KATNA1: variants seen among roughly 807,000 people sequenced by gnomAD.
The protein encoded by KATNA1 is katanin p60 ATPase-containing subunit A1.
In KATNA1, 42 loss-of-function variants were observed where a neutral mutation model predicts 62.6. The ratio of observed to expected loss-of-function variants is 0.67; its 90% CI spans 0.52 to 0.87. The LOEUF is 0.87. Ranked by LOEUF, KATNA1 falls within the 40% of genes least tolerant of loss-of-function variation. KATNA1 has a pLI of 0.00. For synonymous variants in KATNA1, 186 were observed against 201.9 expected, an observed-to-expected ratio of 0.92 and a Z score of 0.67; for missense variants, 498 against 612.5, an observed-to-expected ratio of 0.81 and a Z score of 1.97.
intron 1 of KATNA1, among the ~76,000 whole-genome samples, chr6:149,638,781 G>T (rs966206107): frequency 1.6e-5 from 2 of 122,072 alleles, no homozygotes; most frequent in Non-Finnish European, 3.2e-5. Context: ...CTGTGGCCCC[G>T]GCTGGAGCGC....
At chr6:149,636,861 C>T (rs1310687961) in intron 2 of KATNA1, among the ~76,000 whole-genome samples, 3 of 151,756 alleles carry the variant, frequency 2.0e-5, no homozygotes, top group Admixed American at 6.6e-5. Flanking sequence ...AGGCTGGTCT[C>T]GAACTCCTGA....
At position 149,643,689 on chromosome 6, in the gene KATNA1, T is replaced by C. The variant is rs758868639; in HGVS notation, c.-14+4780A>G. 6.1e-3 allele frequency among the ~76,000 whole-genome samples: 858 copies of C among 140,724 alleles called. 10 individuals carry two copies. The highest frequency in any genetic ancestry group is 5.9e-3 in the Non-Finnish European group (379 of 64,440). 92.3% of individuals were successfully genotyped at this position (140,724 alleles called of 152,430 possible). A position where few individuals can be genotyped will look rare whatever the true frequency, so the allele number is the denominator to read the frequency against. On this transcript the variant is annotated intron_variant, in intron 1 of 10. Coordinates refer to ENST00000367411, the MANE Select transcript of KATNA1 (RefSeq NM_007044.4). The stretch of plus-strand genomic sequence containing the variant: ...ACTGAATACTGCCTAGTTGTTGTCC[T>C]TTTTTTTTTTTTTGAGACAGGGTCT...
intron 8 of KATNA1, 99 bp downstream of exon 8, chr6:149,598,125 C>T: frequency 7.5e-7 from 1 of 1,331,914 alleles, no homozygotes; most frequent in Middle Eastern, 2.0e-4. Flanking sequence ...CTATTAAAAG[C>T]TTGGGTTAGC....
At chr6:149,615,132 C>CAAAAAAAAAAA (rs893824279) in intron 4 of KATNA1, among the ~76,000 whole-genome samples, 1 of 45,646 alleles carries the variant, frequency 2.2e-5, no homozygotes. Context: ...GACTCTGTCT[C>CAAAAAAAAAAA]AAAAAAAAAA....
chr6:149,639,366 TGAG>T (rs1562302808), intron 1 of KATNA1, among the ~76,000 whole-genome samples: 1 of 151,176 alleles, frequency 6.6e-6, no homozygotes, highest in African/African-American at 2.4e-5. Context: ...TTTGGGAGGC[TGAG>T]GTGGGTGGAT....
chr6:149,601,454 T>A, intron 7 of KATNA1, 140 bp downstream of exon 7: 1 of 523,512 alleles, frequency 1.9e-6, no homozygotes. Context: ...TGTAAAGAAA[T>A]CTAGCTTTAA....
intron 5 of KATNA1, 59 bp downstream of exon 5, chr6:149,604,602 C>T (rs1043896767): frequency 4.4e-6 from 7 of 1,585,814 alleles, no homozygotes; most frequent in Middle Eastern, 3.3e-4. Flanking sequence ...ACATTTGCTC[C>T]ATTTTCCATT....
chr6:149,616,076 G>GT (rs1779157251), intron 4 of KATNA1, among the ~76,000 whole-genome samples: 2 of 152,148 alleles, frequency 1.3e-5, no homozygotes, highest in African/African-American at 2.4e-5. Context: ...AGGGTGAATG[G>GT]TGAGTTATTG....
At chr6:149,616,334 C>T (rs1779165217) in intron 4 of KATNA1, among the ~76,000 whole-genome samples, 1 of 152,146 alleles carries the variant, frequency 6.6e-6, no homozygotes, top group Non-Finnish European at 1.5e-5. Context: ...CTACTTCACA[C>T]CCAATTACAT....
intron 8 of KATNA1, 100 bp downstream of exon 8, chr6:149,598,124 G>T: frequency 7.6e-7 from 1 of 1,312,492 alleles, no homozygotes; most frequent in Non-Finnish European, 1.1e-6. Context: ...CCTATTAAAA[G>T]CTTGGGTTAG....
Position 149,619,438 on chromosome 6 carries a change from C to A in KATNA1, c.501+3665G>T, listed in dbSNP as rs146074195. 1.8e-3 allele frequency among the ~76,000 whole-genome samples: 269 copies of A among 152,140 alleles called. 1 individual carries two copies. The highest frequency in any genetic ancestry group is 6.1e-3 in the African/African-American group (254 of 41,514). ...GACCAGACTGGGCAACATGGTGAAA[C>A]CCCGTCTCTACTAAAATACAAAAAA... is the stretch of plus-strand genomic sequence containing the variant. On this transcript the variant is annotated intron_variant, in intron 4 of 10. Transcript: ENST00000367411.
At chr6:149,623,631 G>A (rs535369393) in intron 3 of KATNA1, among the ~76,000 whole-genome samples, 160 of 152,174 alleles carry the variant, frequency 1.1e-3, no homozygotes, top group African/African-American at 3.0e-3. Context: ...CCAGCCACTC[G>A]GGAGGCTGAA....
intron 5 of KATNA1, 100 bp downstream of exon 5, chr6:149,604,561 G>A (rs1410415152): frequency 3.2e-6 from 4 of 1,266,008 alleles, no homozygotes; most frequent in Non-Finnish European, 4.6e-6. Context: ...CTCCGGTTCT[G>A]TCCTCAAGCT....
At position 149,623,213 on chromosome 6, in the gene KATNA1, T is replaced by G; in HGVS notation, c.391A>C (p.Ser131Arg). The G allele has an allele frequency of 6.2e-7, 1 of 1,613,840 alleles. No homozygotes were observed. The highest frequency in any genetic ancestry group is 2.2e-5 in the East Asian group (1 of 44,876). The change falls in exon 4 of 11, where the codon AGT (serine) becomes CGT (arginine). Residue 131 changes from serine (S) to arginine (R), a missense_variant. Ser to Arg is a moderately radical substitution (Grantham distance 110, BLOSUM62 -1). Around this residue, in one of 3 missense-constraint regions of KATNA1, gnomAD observed 203 missense variants for 198.4 expected, o/e 1.02. Coordinates refer to ENST00000367411, the MANE Select transcript of KATNA1 (RefSeq NM_007044.4). The part of the protein sequence containing the change: ...SDPKSHGNRP[S>R]TTVRVHRSSA... ...GAACGGTGAACTCTGACAGTTGTACTTGGACGATTACCATGTGATTTAGGG... is the reference window on the plus strand; with the variant it reads ...GAACGGTGAACTCTGACAGTTGTACGTGGACGATTACCATGTGATTTAGGG...
chr6:149,623,303 T>C lies in KATNA1; in HGVS notation c.321-20A>G, dbSNP rs1162504945. On this transcript the variant is annotated intron_variant, in intron 3 of 10. Transcript: ENST00000367411. ...GAGGGTCTAATCAAACAAAAACTCA[T>C]TAATATCATAATCAACTCCACATAT... 6.4e-6 allele frequency: 10 copies of C among 1,556,278 alleles called. No individual in the cohort carries two copies. In the East Asian group the frequency reaches 6.8e-5, roughly 11 times the overall value.
intron 7 of KATNA1, among the ~76,000 whole-genome samples, chr6:149,601,085 A>G (rs530132974): frequency 2.0e-5 from 3 of 152,338 alleles, no homozygotes; most frequent in African/African-American, 7.2e-5. Context: ...AATTCAATCT[A>G]AACACTCTAC....
chr6:149,598,080 G>T, intron 8 of KATNA1, 144 bp downstream of exon 8: 2 of 838,452 alleles, frequency 2.4e-6, no homozygotes, highest in Non-Finnish European at 1.8e-6. Flanking sequence ...GGAACTTCTT[G>T]CCACCCCCTC....
chr6:149,639,864 A>G (rs1350686886), intron 1 of KATNA1, among the ~76,000 whole-genome samples: 1 of 152,208 alleles, frequency 6.6e-6, no homozygotes, highest in Non-Finnish European at 1.5e-5. Flanking sequence ...TGACAGTAGG[A>G]TTTGCATCTG....
intron 4 of KATNA1, among the ~76,000 whole-genome samples, chr6:149,615,059 G>C (rs1779110477): frequency 6.7e-6 from 1 of 150,160 alleles, no homozygotes; most frequent in Non-Finnish European, 1.5e-5. Context: ...CTTGAACCTG[G>C]GAGGCTGAGG....
Sources: gnomAD v4.1 joint callset for allele counts (sites outside exome capture counted in the v4.1 genomes callset) on GRCh38, gnomAD v4.1.1 for gene constraint, gnomAD v4.1.1 regional missense constraint, MANE v1.5 for transcripts, NCBI Gene and HGNC (gene_info 2026-07-23, HGNC 2026-07-21) for gene names.